The following EDA variants were observed in gnomAD, a reference collection of about 807,000 sequenced individuals.
The protein encoded by EDA is ectodysplasin-A.
A neutral mutation model predicts 23.6 loss-of-function variants in EDA; 2 were observed. The observed-to-expected ratio is 0.08, with a 90% CI of 0.03 to 0.27. The LOEUF is 0.27. Among genes scored for constraint, EDA ranks in the 10% least tolerant of loss-of-function variants. EDA has a pLI of 1.00. For missense variants in EDA, 229 were observed against 324.2 expected (o/e 0.71, Z 2.26); for synonymous variants, 131 against 132.0 (o/e 0.99, Z 0.05).
chrX:69,857,176 G>C (rs1474526162), intron 1 of EDA, among the ~76,000 whole-genome samples: 1 of 111,484 alleles, frequency 9.0e-6, no homozygotes, highest in Non-Finnish European at 1.9e-5. Context: ...AAGATCAGTT[G>C]GCTGTAAGTA....
At chrX:69,718,412 T>G (rs909383936) in intron 1 of EDA, among the ~76,000 whole-genome samples, 7 of 111,510 alleles carry the variant, frequency 6.3e-5, no homozygotes, top group Non-Finnish European at 1.1e-4. Context: ...TACCATTAAG[T>G]ATGATGTTAC....
intron 1 of EDA, among the ~76,000 whole-genome samples, chrX:69,658,884 A>C (rs973120223): frequency 9.0e-6 from 1 of 111,068 alleles, no homozygotes; most frequent in African/African-American, 3.3e-5. Context: ...TACACCTACC[A>C]TTTTCACTTA....
intron 1 of EDA, among the ~76,000 whole-genome samples, chrX:69,910,370 AGAGAGTGTGTGTGTGTGTGTGT>A (rs1187059833): frequency 4.3e-5 from 2 of 46,140 alleles, no homozygotes; most frequent in African/African-American, 1.3e-4. Context: ...AGAGAGAGAG[AGAGAGTGTGTGTGTGTGTGTGT>A]GTGTGTGTGT....
intron 3 of EDA, 144 bp downstream of exon 3, chrX:70,023,385 G>A (rs1291669369): frequency 6.7e-6 from 2 of 299,109 alleles, no homozygotes; most frequent in Admixed American, 5.3e-5. Context: ...ATCTTCTTGA[G>A]TATTGTAGTT....
chrX:69,679,695 T>A (rs1934256909), intron 1 of EDA, among the ~76,000 whole-genome samples: 1 of 111,843 alleles, frequency 8.9e-6, no homozygotes, highest in Non-Finnish European at 1.9e-5. Flanking sequence ...ATTGCGTCTA[T>A]TTGATTCTTC....
chrX:69,981,782 A>G (rs756461657), intron 2 of EDA, among the ~76,000 whole-genome samples: 2 of 112,343 alleles, frequency 1.8e-5, no homozygotes, highest in East Asian at 5.6e-4. Flanking sequence ...CAAGAAAACT[A>G]TGGCTCAGAA....
intron 1 of EDA, among the ~76,000 whole-genome samples, chrX:69,854,296 C>T (rs1239607071): frequency 9.0e-6 from 1 of 110,849 alleles, no homozygotes; most frequent in Non-Finnish European, 1.9e-5. Flanking sequence ...TGGGTTCAAG[C>T]GATTCTCCAG....
intron 2 of EDA, among the ~76,000 whole-genome samples, chrX:69,990,656 G>A (rs2019574447): frequency 9.0e-6 from 1 of 110,599 alleles, no homozygotes. Context: ...TTTGACTAAA[G>A]CGGATATTAT....
At chrX:69,827,337 C>A (rs1229411451) in intron 1 of EDA, among the ~76,000 whole-genome samples, 1 of 112,061 alleles carries the variant, frequency 8.9e-6, no homozygotes, top group Non-Finnish European at 1.9e-5. Context: ...TCAGGTACAC[C>A]AATCAGACAT....
intron 1 of EDA, among the ~76,000 whole-genome samples, chrX:69,734,357 A>G (rs1200612619): frequency 9.0e-6 from 1 of 111,538 alleles, no homozygotes; most frequent in Non-Finnish European, 1.9e-5. Context: ...AGATTTATCA[A>G]TTTTTTTGGT....
At chrX:69,753,563 G>A in intron 1 of EDA, among the ~76,000 whole-genome samples, 1 of 112,024 alleles carries the variant, frequency 8.9e-6, no homozygotes, top group Middle Eastern at 4.6e-3. Flanking sequence ...GTTGATATGG[G>A]GTGGAGAGTT....
chrX:69,819,165 A>G (rs1022774055), intron 1 of EDA, among the ~76,000 whole-genome samples: 6 of 112,203 alleles, frequency 5.3e-5, no homozygotes, highest in African/African-American at 1.9e-4. Context: ...ATAAAATCCA[A>G]TGTCCCTTGA....
intron 1 of EDA, among the ~76,000 whole-genome samples, chrX:69,803,488 G>T (rs1217776392): frequency 2.7e-5 from 3 of 110,352 alleles, no homozygotes; most frequent in Non-Finnish European, 5.7e-5. Flanking sequence ...ATTTAAGTGG[G>T]TCTATCTCTC....
chrX:69,810,976 A>T (rs781537026), intron 1 of EDA, among the ~76,000 whole-genome samples: 4 of 111,733 alleles, frequency 3.6e-5, no homozygotes, highest in Non-Finnish European at 5.6e-5. Flanking sequence ...TAACATGGGC[A>T]TCTTTTTATA....
intron 1 of EDA, among the ~76,000 whole-genome samples, chrX:69,948,966 G>A (rs1362191709): frequency 9.0e-6 from 1 of 111,684 alleles, no homozygotes. Flanking sequence ...TCACTCATTG[G>A]TGCCAGGATG....
chrX:69,660,804 G>A (rs981463296), intron 1 of EDA, among the ~76,000 whole-genome samples: 7 of 111,437 alleles, frequency 6.3e-5, no homozygotes, highest in African/African-American at 1.3e-4. Flanking sequence ...ATAAACATAC[G>A]TGTGCATGTG....
intron 1 of EDA, among the ~76,000 whole-genome samples, chrX:69,771,350 A>G (rs1296616935): frequency 5.4e-5 from 6 of 111,240 alleles, no homozygotes; most frequent in African/African-American, 2.0e-4. Flanking sequence ...GAGCCACCAC[A>G]CCTGGCCAAG....
At chrX:69,749,979 C>T (rs1354433971) in intron 1 of EDA, among the ~76,000 whole-genome samples, 2 of 79,413 alleles carry the variant, frequency 2.5e-5, no homozygotes, top group Non-Finnish European at 4.5e-5. Context: ...TCGCTTCTGT[C>T]AGAAGAATAG....
intron 1 of EDA, among the ~76,000 whole-genome samples, chrX:69,854,667 A>G (rs1441733766): frequency 8.9e-6 from 1 of 112,386 alleles, no homozygotes; most frequent in African/African-American, 3.2e-5. Context: ...CAAGTATTTC[A>G]CGGTGTATAG....
Sources: gnomAD v4.1 joint callset for allele counts (sites outside exome capture counted in the v4.1 genomes callset) on GRCh38, gnomAD v4.1.1 for gene constraint, MANE v1.5 for transcripts, NCBI Gene and HGNC (gene_info 2026-07-23, HGNC 2026-07-21) for gene names.